Variants in LRP1B observed in about 807,000 individuals in gnomAD.
LRP1B encodes the protein low-density lipoprotein receptor-related protein 1B.
A neutral mutation model predicts 556.6 loss-of-function variants in LRP1B; 217 were observed. That is an observed-to-expected ratio of 0.39 (90% confidence interval 0.35 to 0.44). LRP1B has a LOEUF of 0.44. Ranked by LOEUF, LRP1B falls within the 20% of genes least tolerant of loss-of-function variation. LRP1B has a pLI of 1.00. For missense variants in LRP1B, 5,053 were observed against 5,620.8 expected, an observed-to-expected ratio of 0.90 and a Z score of 3.23; for synonymous variants, 2,047 against 1,865.8, an observed-to-expected ratio of 1.10 and a Z score of -2.50.
chr2:141,553,814 T>C (rs924882566), intron 2 of LRP1B, among the ~76,000 whole-genome samples: 1 of 139,080 alleles, frequency 7.2e-6, no homozygotes, highest in African/African-American at 2.6e-5. Flanking sequence ...TAGATCTATA[T>C]TAATAGATAT....
chr2:141,972,022 A>G (rs990429673), intron 1 of LRP1B, among the ~76,000 whole-genome samples: 1 of 151,590 alleles, frequency 6.6e-6, no homozygotes, highest in Admixed American at 6.6e-5. Flanking sequence ...TATCAAGGTG[A>G]TACAATTCAG....
intron 2 of LRP1B, among the ~76,000 whole-genome samples, chr2:141,775,237 A>C (rs1421813520): frequency 6.6e-6 from 1 of 152,256 alleles, no homozygotes; most frequent in East Asian, 1.9e-4. Context: ...ACAGCTCTGT[A>C]AATTGTAGAA....
At chr2:140,935,319 A>G (rs958915153) in intron 20 of LRP1B, among the ~76,000 whole-genome samples, 3 of 152,278 alleles carry the variant, frequency 2.0e-5, no homozygotes, top group Admixed American at 6.5e-5. Context: ...ACCAAAAGAT[A>G]TTTTGATATC....
At chr2:140,294,434 G>C (rs1306756087) in intron 84 of LRP1B, among the ~76,000 whole-genome samples, 1 of 152,102 alleles carries the variant, frequency 6.6e-6, no homozygotes, top group African/African-American at 2.4e-5. Flanking sequence ...GTTGGTTGTA[G>C]TCTCAAAAAG....
chr2:140,713,007 G>A lies in LRP1B; in HGVS notation c.6023+2966C>T, dbSNP rs143083748. On this transcript the variant is annotated intron_variant, in intron 37 of 90. Transcript: ENST00000389484. ...CTAACTATAAGCATTCTTCATTTTT[G>A]TTATTAGACTTCTTTTTTTGGCACT... Among the ~76,000 whole-genome samples the A allele has an allele frequency of 4.5e-3, 688 of 151,618 alleles. 6 individuals are homozygous for A. The highest frequency in any genetic ancestry group is 0.024 in the Middle Eastern group (7 of 294).
intron 2 of LRP1B, among the ~76,000 whole-genome samples, chr2:141,793,659 T>C (rs1254032354): frequency 6.6e-6 from 1 of 151,944 alleles, no homozygotes; most frequent in Non-Finnish European, 1.5e-5. Flanking sequence ...ATTACTATTT[T>C]TATGGCAAAT....
chr2:140,787,947 A>G (rs551907957), intron 32 of LRP1B, among the ~76,000 whole-genome samples: 1 of 152,068 alleles, frequency 6.6e-6, no homozygotes, highest in African/African-American at 2.4e-5. Context: ...ATACTCCAAA[A>G]CCAGGCACAT....
rs76781800 is a variant in LRP1B, at chr2:140,295,727, C to T, written c.12967+2081G>A. Among the ~76,000 whole-genome samples, 1,524 of 152,028 alleles carry T rather than the reference C, an allele frequency of 0.01. 63 individuals are homozygous for T. In the East Asian group the frequency reaches 0.13, roughly 13 times the overall value. ...TATCTAGTTTATTGATAGGATTAAA[C>T]GAATTAATAAAACTAATGCAAAAAA... is the stretch of plus-strand genomic sequence containing the variant. On this transcript the variant is annotated intron_variant, in intron 84 of 90. Transcript: ENST00000389484.
At chr2:141,329,217 G>A (rs2012174) in intron 3 of LRP1B, among the ~76,000 whole-genome samples, 14,865 of 151,616 alleles carry the variant, frequency 0.098, 899 homozygotes, top group Admixed American at 0.17. Context: ...GTGAAACCCT[G>A]TCTCCACTAA....
intron 2 of LRP1B, among the ~76,000 whole-genome samples, chr2:141,804,203 ATT>A (rs1696099247): frequency 6.6e-6 from 1 of 152,058 alleles, no homozygotes; most frequent in African/African-American, 2.4e-5. Flanking sequence ...TTATCTCAGT[ATT>A]TCAAAAAAGG....
At chr2:142,007,812 C>T (rs890641465) in intron 1 of LRP1B, among the ~76,000 whole-genome samples, 2 of 152,122 alleles carry the variant, frequency 1.3e-5, no homozygotes, top group Admixed American at 1.3e-4. Context: ...GTATATTCCC[C>T]AATTTTATCA....
rs1326685728 is a variant in LRP1B, at chr2:142,107,904, C to T, written c.82+22744G>A. Among the ~76,000 whole-genome samples, 7 of 149,574 alleles carry T rather than the reference C, an allele frequency of 4.7e-5. No homozygotes were observed. The East Asian group carries it at 1.4e-3, about 29-fold the overall frequency. The stretch of plus-strand genomic sequence containing the variant: ...CAAGTGATCCGCCCACCTCGGCCTC[C>T]CAAAGTGCTGGGATTATAGACATGA... On this transcript the variant is annotated intron_variant, in intron 1 of 90. Coordinates refer to ENST00000389484, the MANE Select transcript of LRP1B (RefSeq NM_018557.3).
intron 7 of LRP1B, among the ~76,000 whole-genome samples, chr2:141,092,404 A>G (rs2104913425): frequency 6.6e-6 from 1 of 152,300 alleles, no homozygotes; most frequent in East Asian, 1.9e-4. Context: ...ATTTGGACTT[A>G]TTAAGTTTGT....
chr2:140,703,121 A>C (rs989308), intron 37 of LRP1B, among the ~76,000 whole-genome samples: 87,390 of 151,998 alleles, frequency 0.57, 26,727 homozygotes, highest in Middle Eastern at 0.73. Flanking sequence ...ATAGACATGA[A>C]TGCATCATAA....
chr2:140,901,221 C>G (rs1694096554), intron 23 of LRP1B, among the ~76,000 whole-genome samples: 1 of 152,144 alleles, frequency 6.6e-6, no homozygotes, highest in Non-Finnish European at 1.5e-5. Context: ...TCATAAACAA[C>G]GACCTCCTTG....
intron 43 of LRP1B, among the ~76,000 whole-genome samples, chr2:140,544,861 T>A (rs1680269124): frequency 6.6e-6 from 1 of 152,156 alleles, no homozygotes; most frequent in Non-Finnish European, 1.5e-5. Flanking sequence ...CTGGGTCGAA[T>A]GGTATCTCTA....
At chr2:141,414,176 G>A (rs1053620623) in intron 3 of LRP1B, among the ~76,000 whole-genome samples, 2 of 149,098 alleles carry the variant, frequency 1.3e-5, no homozygotes, top group South Asian at 2.1e-4. Context: ...GGCGGAGCTT[G>A]CAGTGAGCGG....
chr2:140,944,028 C>T (rs1345644916), intron 20 of LRP1B, among the ~76,000 whole-genome samples: 1 of 151,902 alleles, frequency 6.6e-6, no homozygotes, highest in Admixed American at 6.6e-5. Context: ...GGCTACTAAA[C>T]TAATGAAGAA....
chr2:140,560,750 T>C (rs765607596), intron 43 of LRP1B, among the ~76,000 whole-genome samples: 17 of 152,196 alleles, frequency 1.1e-4, no homozygotes, highest in South Asian at 8.3e-4. Context: ...CATAAGTTTT[T>C]GTTGAAATTC....
Sources: allele counts gnomAD v4.1 joint callset (sites outside exome capture counted in the v4.1 genomes callset), GRCh38; gene constraint gnomAD v4.1.1; transcripts MANE v1.5; gene names NCBI Gene and HGNC (gene_info 2026-07-23, HGNC 2026-07-21).